The following AGPAT3 variants were observed in gnomAD, a reference collection of about 807,000 sequenced individuals.
AGPAT3 encodes 1-acylglycerol-3-phosphate O-acyltransferase 3.
Under a neutral mutation model 47.3 loss-of-function variants are expected in AGPAT3, and 5 were observed. The observed-to-expected ratio is 0.11, with a 90% CI of 0.06 to 0.22. AGPAT3 has a LOEUF of 0.22. Among genes scored for constraint, AGPAT3 ranks in the 10% least tolerant of loss-of-function variants. AGPAT3 has a pLI of 1.00. For synonymous variants in AGPAT3, 212 were observed against 208.3 expected, an observed-to-expected ratio of 1.02 and a Z score of -0.15; for missense variants, 315 against 493.0, an observed-to-expected ratio of 0.64 and a Z score of 3.42.
In AGPAT3 at chr21:43,872,472, C is replaced by T. The variant is rs371640502; in HGVS notation, c.-112+7127C>T. Among the ~76,000 whole-genome samples, 13 of 152,274 alleles carry T rather than the reference C, an allele frequency of 8.5e-5. No individual in the cohort carries two copies. In the East Asian group the frequency reaches 1.4e-3, roughly 16 times the overall value. On this transcript the variant is annotated intron_variant, in intron 1 of 9. Coordinates refer to ENST00000291572, the MANE Select transcript of AGPAT3 (RefSeq NM_020132.5). ...TTGGAATTACAGGCGTGAGCCACCGCGCCGGCCGTAAATGGTGTTTTTTAT... is the reference window on the plus strand; with the variant it reads ...TTGGAATTACAGGCGTGAGCCACCGTGCCGGCCGTAAATGGTGTTTTTTAT...
intron 2 of AGPAT3, among the ~76,000 whole-genome samples, chr21:43,937,756 T>C (rs551042610): frequency 6.6e-6 from 1 of 152,280 alleles, no homozygotes; most frequent in Non-Finnish European, 1.5e-5. Context: ...CAACCTTTTG[T>C]CAGGGGCTGA....
chr21:43,893,288 C>T (rs2086140239), intron 1 of AGPAT3, among the ~76,000 whole-genome samples: 1 of 152,192 alleles, frequency 6.6e-6, no homozygotes, highest in South Asian at 2.1e-4. Flanking sequence ...TTTTTCTCTG[C>T]AGCTTCCTCA....
intron 1 of AGPAT3, chr21:43,867,819 G>C (rs1225718634): frequency 6.6e-6 from 1 of 152,176 alleles, no homozygotes; most frequent in Non-Finnish European, 1.5e-5. Flanking sequence ...AGTAAAGTTG[G>C]ACTGAGTTTT....
At chr21:43,971,604 G>A in intron 7 of AGPAT3, 114 bp downstream of exon 7, 1 of 946,490 alleles carries the variant, frequency 1.1e-6, no homozygotes, top group Non-Finnish European at 1.6e-6. Flanking sequence ...GCCCCGCAGG[G>A]TGGAACTCAC....
intron 3 of AGPAT3, 48 bp from the exon 4 acceptor site, chr21:43,967,898 C>T: frequency 6.3e-7 from 1 of 1,585,630 alleles, no homozygotes; most frequent in Non-Finnish European, 8.6e-7. Context: ...CCTGACCATC[C>T]CAGGAGGAGG....
In AGPAT3 at chr21:43,986,761, C is replaced by T. The variant is rs1293911866; in HGVS notation, c.*4369C>T. On this transcript the variant is annotated 3_prime_UTR_variant, in exon 10 of 10. Coordinates refer to ENST00000291572, the MANE Select transcript of AGPAT3 (RefSeq NM_020132.5). ...GGCTTCTTTTTCTATGATTGAAAAT[C>T]TGCCATCGCTGACTGTTGGCCAGTT... Among the ~76,000 whole-genome samples, 2 of 152,230 alleles carry T rather than the reference C, an allele frequency of 1.3e-5. No individual in the cohort carries two copies. Among genetic ancestry groups the T allele is most frequent in the Non-Finnish European group, 1.5e-5 (1 of 68,038 alleles).
In AGPAT3 at chr21:43,982,454, C is replaced by A. The variant is rs2089888765; in HGVS notation, c.*62C>A. The A allele has an allele frequency of 1.7e-6, 2 of 1,202,622 alleles. No homozygotes were observed. Among genetic ancestry groups the A allele is most frequent in the Non-Finnish European group, 2.5e-6 (2 of 815,796 alleles). 74.5% of individuals were successfully genotyped at this position (1,202,622 alleles called of 1,614,324 possible). Reference sequence around the variant, plus strand: ...TGGTATCCAGTTAACTCAAAACCAACACACAGAGTGCAGGAAAAGACAATT... The same window carrying A: ...TGGTATCCAGTTAACTCAAAACCAAAACACAGAGTGCAGGAAAAGACAATT... On this transcript the variant is annotated 3_prime_UTR_variant, in exon 10 of 10. Coordinates refer to ENST00000291572, the MANE Select transcript of AGPAT3 (RefSeq NM_020132.5). This position sits in a 1 kb window ranked among gnomAD's most constrained non-coding sequence, Gnocchi z 6.2.
At chr21:43,878,676 A>G (rs2085785619) in intron 1 of AGPAT3, among the ~76,000 whole-genome samples, 1 of 152,036 alleles carries the variant, frequency 6.6e-6, no homozygotes, top group Non-Finnish European at 1.5e-5. Context: ...TACTCACACC[A>G]GTAGTATTTG....
At chr21:43,905,284 G>A (rs1476040455) in intron 2 of AGPAT3, among the ~76,000 whole-genome samples, 1 of 151,878 alleles carries the variant, frequency 6.6e-6, no homozygotes, top group Non-Finnish European at 1.5e-5. Context: ...CCACTTCCCA[G>A]GTTCAAATGA....
intron 2 of AGPAT3, among the ~76,000 whole-genome samples, chr21:43,936,824 T>C (rs555288232): frequency 6.6e-6 from 1 of 152,364 alleles, no homozygotes; most frequent in East Asian, 1.9e-4. Context: ...CAGGCCTCTG[T>C]GCCTCAGCGA....
intron 1 of AGPAT3, chr21:43,867,156 C>G (rs897263886): frequency 1.3e-5 from 2 of 152,302 alleles, no homozygotes; most frequent in African/African-American, 4.8e-5. Flanking sequence ...ACTGATACAC[C>G]TGCCTCCCAT....
intron 2 of AGPAT3, among the ~76,000 whole-genome samples, chr21:43,936,709 C>T (rs2087459915): frequency 1.3e-5 from 2 of 152,224 alleles, no homozygotes; most frequent in South Asian, 4.1e-4. Context: ...TTCCTTTTCC[C>T]GACCGCAGCT....
intron 2 of AGPAT3, among the ~76,000 whole-genome samples, chr21:43,951,178 G>A (rs557578209): frequency 1.3e-5 from 2 of 152,286 alleles, no homozygotes; most frequent in South Asian, 4.1e-4. Flanking sequence ...GGTCTGCTCG[G>A]CCCACTACAC....
At chr21:43,895,356 G>A (rs1487498685) in intron 1 of AGPAT3, among the ~76,000 whole-genome samples, 3 of 151,826 alleles carry the variant, frequency 2.0e-5, no homozygotes, top group African/African-American at 4.8e-5. Context: ...CAGTCCGCCC[G>A]CCTTGGCCTC....
At chr21:43,960,189 C>G (rs1408529262) in intron 3 of AGPAT3, among the ~76,000 whole-genome samples, 1 of 152,242 alleles carries the variant, frequency 6.6e-6, no homozygotes, top group Non-Finnish European at 1.5e-5. Flanking sequence ...TACATGGCCC[C>G]TCGTGTGTCC....
chr21:43,979,342 A>G (rs1050406695), intron 8 of AGPAT3, among the ~76,000 whole-genome samples: 1 of 151,732 alleles, frequency 6.6e-6, no homozygotes, highest in African/African-American at 2.4e-5. Context: ...AAAGAAAAAA[A>G]AAAAGGGAAA....
At chr21:43,931,347 ATTTT>A (rs2087235954) in intron 2 of AGPAT3, among the ~76,000 whole-genome samples, 1 of 152,152 alleles carries the variant, frequency 6.6e-6, no homozygotes. Flanking sequence ...CTGAAGAAAG[ATTTT>A]ATTGACATCC....
Position 43,914,469 on chromosome 21 carries a change from A to G in AGPAT3, c.-49+10450A>G, listed in dbSNP as rs373042648. ...AGAGGTAAATTTTAAAAAACTGTTTAATAGATATTTTAATTATTTTTATTT... is the reference window on the plus strand; with the variant it reads ...AGAGGTAAATTTTAAAAAACTGTTTGATAGATATTTTAATTATTTTTATTT... On this transcript the variant is annotated intron_variant, in intron 2 of 9. Coordinates refer to ENST00000291572, the MANE Select transcript of AGPAT3 (RefSeq NM_020132.5). Among the ~76,000 whole-genome samples, 4 of 152,258 alleles carry G rather than the reference A, an allele frequency of 2.6e-5. No individual in the cohort carries two copies. In the South Asian group the frequency reaches 8.3e-4, roughly 32 times the overall value.
intron 1 of AGPAT3, among the ~76,000 whole-genome samples, chr21:43,899,505 A>T (rs1012591085): frequency 6.6e-5 from 10 of 152,200 alleles, no homozygotes; most frequent in African/African-American, 2.4e-4. Context: ...GTCTCTTAGA[A>T]GGTCTGAGCG....
Sources: allele counts gnomAD v4.1 joint callset (sites outside exome capture counted in the v4.1 genomes callset), GRCh38; gene constraint gnomAD v4.1.1; non-coding constraint Gnocchi (gnomAD v3.1); transcripts MANE v1.5; gene names NCBI Gene and HGNC (gene_info 2026-07-23, HGNC 2026-07-21).